GUCY1A1: variants seen among roughly 807,000 people sequenced by gnomAD.
The protein encoded by GUCY1A1 is guanylate cyclase 1 soluble subunit alpha 1.
In GUCY1A1, 48 loss-of-function variants were observed where a neutral mutation model predicts 64.5. The ratio of observed to expected loss-of-function variants is 0.74; its 90% CI spans 0.59 to 0.95. The LOEUF is 0.95. Among genes scored for constraint, GUCY1A1 ranks in the 40% least tolerant of loss-of-function variants. GUCY1A1 has a pLI of 0.00. For synonymous variants in GUCY1A1, 308 were observed against 303.4 expected (o/e 1.02, Z -0.16); for missense variants, 804 against 825.3 (o/e 0.97, Z 0.32).
chr4:155,685,642 T>C (rs1728905593), intron 2 of GUCY1A1, among the ~76,000 whole-genome samples: 1 of 151,028 alleles, frequency 6.6e-6, no homozygotes, highest in African/African-American at 2.4e-5. Context: ...TTGCTGTTCT[T>C]TCTGTAGCCA....
intron 8 of GUCY1A1, among the ~76,000 whole-genome samples, chr4:155,717,776 G>C (rs1733456872): frequency 6.6e-6 from 1 of 152,142 alleles, no homozygotes; most frequent in Non-Finnish European, 1.5e-5. Context: ...TGAGTGATGG[G>C]AAAATGGACT....
At position 155,711,153 on chromosome 4, in the gene GUCY1A1, A is replaced by G. The variant is rs1327762821; in HGVS notation, c.988A>G (p.Lys330Glu). The change falls in exon 6 of 10, where the codon AAA becomes GAA. Residue 330 changes from lysine (K) to glutamate (E), a missense_variant. Physicochemically the swap from Lys to Glu is moderately conservative, Grantham distance 56. Coordinates refer to ENST00000506455, the MANE Select transcript of GUCY1A1 (RefSeq NM_001130682.3). ...AGAATACTTTGAAATTCTGACTCCAAAAATCAACCAGACGTTTAGCGGGAT... is the reference window on the plus strand; with the variant it reads ...AGAATACTTTGAAATTCTGACTCCAGAAATCAACCAGACGTTTAGCGGGAT... ...FEEYFEILTP[K>E]INQTFSGIMT... The G allele has an allele frequency of 1.9e-6, 3 of 1,613,856 alleles. No individual in the cohort carries two copies. Among genetic ancestry groups the G allele is most frequent in the African/African-American group, 2.7e-5 (2 of 74,948 alleles).
intron 9 of GUCY1A1, among the ~76,000 whole-genome samples, chr4:155,727,793 G>T (rs940556587): frequency 2.0e-5 from 3 of 151,482 alleles, no homozygotes; most frequent in South Asian, 2.1e-4. Context: ...AAAGTAAATA[G>T]ATATTAATAT....
chr4:155,702,388 T>G (rs1731203230), intron 3 of GUCY1A1, among the ~76,000 whole-genome samples: 1 of 152,218 alleles, frequency 6.6e-6, no homozygotes, highest in South Asian at 2.1e-4. Flanking sequence ...CTTGAAATAT[T>G]TAAACATTTC....
chr4:155,697,223 G>T (rs1466151582), intron 3 of GUCY1A1, 101 bp downstream of exon 3: 3 of 828,086 alleles, frequency 3.6e-6, no homozygotes, highest in African/African-American at 3.4e-5. Flanking sequence ...CACTTTCAAG[G>T]CTACAATAAA....
At chr4:155,671,901 T>A (rs961652944) in intron 2 of GUCY1A1, among the ~76,000 whole-genome samples, 3 of 152,120 alleles carry the variant, frequency 2.0e-5, no homozygotes, top group Non-Finnish European at 4.4e-5. Context: ...GCACTTCTGT[T>A]TTTATTAAAG....
chr4:155,730,302 T>G lies in GUCY1A1; in HGVS notation c.*71T>G. ...AGATGTGTAGAGCCTCTGAAAGCAC[T>G]TTAGGGATTGTAGATGGCTAACAAG... On this transcript the variant is annotated 3_prime_UTR_variant, in exon 10 of 10. Coordinates refer to ENST00000506455, the MANE Select transcript of GUCY1A1 (RefSeq NM_001130682.3). 2 of 931,544 alleles carry G rather than the reference T, an allele frequency of 2.1e-6. No homozygotes were observed. Among genetic ancestry groups the G allele is most frequent in the Non-Finnish European group, 3.4e-6 (2 of 584,732 alleles). The allele number at this position is 931,544 out of a possible 1,614,324, so 57.7% of individuals were successfully genotyped here.
At chr4:155,702,660 A>G (rs1731244214) in intron 3 of GUCY1A1, among the ~76,000 whole-genome samples, 1 of 152,170 alleles carries the variant, frequency 6.6e-6, no homozygotes, top group South Asian at 2.1e-4. Flanking sequence ...AAATTGTTCC[A>G]CATTGTAAAT....
chr4:155,727,726 G>T (rs1211376194), intron 9 of GUCY1A1, among the ~76,000 whole-genome samples: 1 of 151,288 alleles, frequency 6.6e-6, no homozygotes, highest in East Asian at 1.9e-4. Flanking sequence ...TAATATTTAA[G>T]TATCAACATT....
intron 9 of GUCY1A1, among the ~76,000 whole-genome samples, chr4:155,723,773 C>T: frequency 6.6e-6 from 1 of 151,978 alleles, no homozygotes; most frequent in East Asian, 1.9e-4. Context: ...AGTGATTCTC[C>T]TGCCTCAGCC....
At chr4:155,682,517 A>AAAGC (rs1456550802) in intron 2 of GUCY1A1, among the ~76,000 whole-genome samples, 1 of 152,042 alleles carries the variant, frequency 6.6e-6, no homozygotes, top group East Asian at 1.9e-4. Context: ...TAAAAATACA[A>AAAGC]AAGCATTAGC....
intron 3 of GUCY1A1, among the ~76,000 whole-genome samples, chr4:155,697,852 C>T (rs1235605085): frequency 1.3e-5 from 2 of 152,146 alleles, no homozygotes; most frequent in Non-Finnish European, 2.9e-5. Context: ...AGGACACAGA[C>T]CTAAATAAAT....
chr4:155,729,476 A>G (rs1285797225), intron 9 of GUCY1A1, among the ~76,000 whole-genome samples: 1 of 151,878 alleles, frequency 6.6e-6, no homozygotes, highest in African/African-American at 2.4e-5. Context: ...TGATATGTAC[A>G]ATTAAATCTC....
chr4:155,730,309 A>C lies in GUCY1A1; in HGVS notation c.*78A>C. The C allele has an allele frequency of 1.2e-6, 1 of 822,058 alleles. No individual in the cohort carries two copies. The allele number at this position is 822,058 out of a possible 1,614,324, so 50.9% of individuals were successfully genotyped here. ...TAGAGCCTCTGAAAGCACTTTAGGG[A>C]TTGTAGATGGCTAACAAGCAGTATT... On this transcript the variant is annotated 3_prime_UTR_variant, in exon 10 of 10. Transcript: ENST00000506455.
At chr4:155,715,182 T>G (rs530849445) in intron 7 of GUCY1A1, among the ~76,000 whole-genome samples, 16 of 152,070 alleles carry the variant, frequency 1.1e-4, no homozygotes, top group African/African-American at 3.9e-4. Flanking sequence ...CTACTTTTTT[T>G]TCACTTCTGA....
rs368256167 is a variant in GUCY1A1 at position 155,733,412 on chromosome 4, T to C, written c.*3181T>C. On this transcript the variant is annotated 3_prime_UTR_variant, in exon 10 of 10. Transcript: ENST00000506455. ...TGGACAGCCAGTTACCTGGGATGAG[T>C]TGGGAGGGAGGAGAATAAGGACAAA... 9.3e-5 allele frequency among the ~76,000 whole-genome samples: 14 copies of C among 151,112 alleles called. No homozygotes were observed. The highest frequency in any genetic ancestry group is 1.8e-4 in the Non-Finnish European group (12 of 67,678).
rs191914430 is a variant in GUCY1A1, at chr4:155,688,051, G to A, written c.-112-8705G>A. Among the ~76,000 whole-genome samples, 544 of 151,622 alleles carry A rather than the reference G, an allele frequency of 3.6e-3. 2 individuals carry two copies. The highest frequency in any genetic ancestry group is 0.012 in the African/African-American group (487 of 41,288). ...ATCCTGGCTGACACAGTGAAACCCCGTCTCTACTAAAAATACAAAAAAAAA... is the reference window on the plus strand; with the variant it reads ...ATCCTGGCTGACACAGTGAAACCCCATCTCTACTAAAAATACAAAAAAAAA... On this transcript the variant is annotated intron_variant, in intron 2 of 9. Coordinates refer to ENST00000506455, the MANE Select transcript of GUCY1A1 (RefSeq NM_001130682.3).
intron 3 of GUCY1A1, among the ~76,000 whole-genome samples, chr4:155,703,052 A>G (rs1005359332): frequency 6.6e-6 from 1 of 151,820 alleles, no homozygotes; most frequent in African/African-American, 2.4e-5. Context: ...TGATTTTTAC[A>G]TGGAATATAT....
intron 4 of GUCY1A1, among the ~76,000 whole-genome samples, chr4:155,707,074 A>T (rs959577060): frequency 1.3e-5 from 2 of 152,242 alleles, no homozygotes; most frequent in Non-Finnish European, 2.9e-5. Flanking sequence ...GCCTTAAACT[A>T]AGAAGCAAAA....
Sources: gnomAD v4.1 joint callset for allele counts (sites outside exome capture counted in the v4.1 genomes callset) on GRCh38, gnomAD v4.1.1 for gene constraint, MANE v1.5 for transcripts, NCBI Gene and HGNC (gene_info 2026-07-23, HGNC 2026-07-21) for gene names.